TMEM63C: variants seen among roughly 807,000 people sequenced by gnomAD.
TMEM63C encodes the protein transmembrane protein 63C.
Under a neutral mutation model 99.2 loss-of-function variants are expected in TMEM63C, and 32 were observed. That is an observed-to-expected ratio of 0.32 (90% CI 0.24 to 0.43). The LOEUF is 0.43. Among genes scored for constraint, TMEM63C ranks in the 20% least tolerant of loss-of-function variants. The pLI is 1.00. For synonymous variants in TMEM63C, 376 were observed against 397.9 expected (o/e 0.94, Z 0.66); for missense variants, 826 against 1,053.0 (o/e 0.78, Z 2.98).
Position 77,218,878 on chromosome 14 carries a change from G to T in TMEM63C, c.65G>T (p.Cys22Phe), listed in dbSNP as rs1457401180. Residue 22 changes from cysteine (C) to phenylalanine (F), a missense_variant, in exon 3 of 24, where the codon TGC (cysteine) becomes TTC (phenylalanine). Cys to Phe is a radical substitution (Grantham distance 205, BLOSUM62 -2). Coordinates refer to ENST00000298351, the MANE Select transcript of TMEM63C (RefSeq NM_020431.4). ...GRLQNMTVDE[C>F]FQSRNTVLQG... ...TTACAGAACATGACAGTGGATGAAT[G>T]CTTCCAGTCTCGGAACACCGTCCTC... 6.2e-7 allele frequency: 1 copy of T among 1,613,542 alleles called. No individual in the cohort carries two copies. The highest frequency in any genetic ancestry group is 8.5e-7 in the Non-Finnish European group (1 of 1,179,766).
At chr14:77,236,996 C>T (rs1889074260) in intron 9 of TMEM63C, among the ~76,000 whole-genome samples, 1 of 148,628 alleles carries the variant, frequency 6.7e-6, no homozygotes, top group African/African-American at 2.5e-5. Flanking sequence ...CCCTCTCACC[C>T]TCCTCCACGC....
chr14:77,251,418 G>A (rs369409470), intron 21 of TMEM63C, among the ~76,000 whole-genome samples: 24 of 152,280 alleles, frequency 1.6e-4, no homozygotes, highest in African/African-American at 5.8e-4. Flanking sequence ...CACTTCAAAA[G>A]GGCTTGCAGG....
intron 22 of TMEM63C, 76 bp from the exon 23 acceptor site, chr14:77,253,229 A>C: frequency 7.5e-7 from 1 of 1,341,950 alleles, no homozygotes; most frequent in Non-Finnish European, 1.1e-6. Context: ...CCAGGTGTGG[A>C]GTTGAGGCTC....
intron 13 of TMEM63C, 54 bp from the exon 14 acceptor site, chr14:77,242,293 G>GC: frequency 1.3e-6 from 2 of 1,593,078 alleles, no homozygotes; most frequent in Non-Finnish European, 1.7e-6. Flanking sequence ...ACCCTCCTAA[G>GC]CCCATCCCCC....
chr14:77,242,563 A>G, intron 14 of TMEM63C, 94 bp downstream of exon 14: 1 of 1,497,310 alleles, frequency 6.7e-7, no homozygotes, highest in Non-Finnish European at 9.1e-7. Context: ...TCATTGCCCA[A>G]CAGAGACTCC....
chr14:77,182,125 G>A (rs901687416), intron 1 of TMEM63C, among the ~76,000 whole-genome samples: 1 of 152,170 alleles, frequency 6.6e-6, no homozygotes, highest in African/African-American at 2.4e-5. Context: ...CCGCCCACCC[G>A]GGAGGGCGTG....
chr14:77,234,739 T>C (rs1446465496), intron 8 of TMEM63C, among the ~76,000 whole-genome samples: 1 of 152,172 alleles, frequency 6.6e-6, no homozygotes, highest in African/African-American at 2.4e-5. Context: ...TGCTTTGGGA[T>C]GGCATCATGT....
intron 19 of TMEM63C, 102 bp downstream of exon 19, chr14:77,248,611 C>T (rs920282633): frequency 1.5e-5 from 23 of 1,509,318 alleles, no homozygotes; most frequent in Admixed American, 5.7e-5. Context: ...GTGGGAGGGA[C>T]GGTGTGGATG....
intron 13 of TMEM63C, 49 bp from the exon 14 acceptor site, chr14:77,242,298 T>TCCCCCCAC: frequency 1.1e-5 from 16 of 1,416,850 alleles, no homozygotes; most frequent in African/African-American, 1.4e-5. Flanking sequence ...CCTAAGCCCA[T>TCCCCCCAC]CCCCCCACCC....
chr14:77,232,281 A>AT (rs912998189), intron 7 of TMEM63C, among the ~76,000 whole-genome samples: 45 of 151,858 alleles, frequency 3.0e-4, no homozygotes, highest in African/African-American at 1.0e-3. Flanking sequence ...TTTATATTTT[A>AT]TTTATTTATT....
At position 77,257,128 on chromosome 14, in the gene TMEM63C, A is replaced by AAC; in HGVS notation, c.*403_*404insCA. ...ACCACTCTGCATCAGCTGCCCTTCC[A>AAC]AGGAGCTTCTGCTGCTGCTCCTCCT... On this transcript the variant is annotated 3_prime_UTR_variant, in exon 24 of 24. Coordinates refer to ENST00000298351, the MANE Select transcript of TMEM63C (RefSeq NM_020431.4). 5.7e-6 allele frequency: 1 copy of AAC among 174,718 alleles called. No individual in the cohort carries two copies. The highest frequency in any genetic ancestry group is 1.2e-5 in the Non-Finnish European group (1 of 82,484). The allele number at this position is 174,718 out of a possible 1,614,324, so 10.8% of individuals were successfully genotyped here.
intron 1 of TMEM63C, among the ~76,000 whole-genome samples, chr14:77,205,600 G>A (rs1174081388): frequency 6.6e-6 from 1 of 152,336 alleles, no homozygotes; most frequent in Non-Finnish European, 1.5e-5. Flanking sequence ...GAGCATTCCC[G>A]TTGGGGGAGG....
At chr14:77,183,165 G>A (rs1887942239) in intron 1 of TMEM63C, among the ~76,000 whole-genome samples, 2 of 152,150 alleles carry the variant, frequency 1.3e-5, no homozygotes, top group African/African-American at 4.8e-5. Context: ...AGCCAGATGA[G>A]GAAACTGAGG....
chr14:77,226,089 C>T (rs1888817552), intron 6 of TMEM63C, among the ~76,000 whole-genome samples: 1 of 152,220 alleles, frequency 6.6e-6, no homozygotes. Flanking sequence ...GTTCCCACTG[C>T]GTAGGCATAC....
Position 77,194,546 on chromosome 14 carries a change from TTTCTTTC to T in TMEM63C, c.-77+12654_-77+12660del, listed in dbSNP as rs1214615812. ...CTTTCTTTCTTTCTTTCTTTCTTTC[TTTCTTTC>T]TCTTTCTTTCTTTCTGTCTTTCTTT... On this transcript the variant is annotated intron_variant, in intron 1 of 23. Transcript: ENST00000298351. Among the ~76,000 whole-genome samples the T allele has an allele frequency of 6.7e-3, 105 of 15,594 alleles. 2 individuals carry two copies. Among genetic ancestry groups the T allele is most frequent in the Admixed American group, 0.019 (19 of 980 alleles). The allele number at this position is 15,594 out of a possible 152,430, so 10.2% of individuals were successfully genotyped here. A position where few individuals can be genotyped will look rare whatever the true frequency, so the allele number is the denominator to read the frequency against.
At chr14:77,253,780 A>G (rs1214099334) in intron 23 of TMEM63C, among the ~76,000 whole-genome samples, 1 of 152,142 alleles carries the variant, frequency 6.6e-6, no homozygotes, top group African/African-American at 2.4e-5. Flanking sequence ...GAACTATTAG[A>G]AGTCTGCACT....
At chr14:77,246,552 C>A in intron 17 of TMEM63C, 57 bp from the exon 18 acceptor site, 1 of 1,498,622 alleles carries the variant, frequency 6.7e-7, no homozygotes, top group East Asian at 2.3e-5. Context: ...TGGTTGAACC[C>A]TCAGCCTTAG....
In TMEM63C at chr14:77,239,688, C is replaced by T. The variant is rs771625646; in HGVS notation, c.892C>T (p.Arg298Cys). 14 of 1,613,074 alleles carry T rather than the reference C, an allele frequency of 8.7e-6. No homozygotes were observed. The highest frequency in any genetic ancestry group is 3.3e-5 in the Admixed American group (2 of 59,930). ...GATGATCAGGATCCACCCCTGTGCC[C>T]GCCTGTGCTTCTGCAAGTGCTGGAC... ...KVMIRIHPCA[R>C]LCFCKCWTCF... The change falls in exon 12 of 24, where the codon CGC becomes TGC. Residue 298 changes from arginine to cysteine, a missense_variant. Coordinates refer to ENST00000298351, the MANE Select transcript of TMEM63C (RefSeq NM_020431.4).
In TMEM63C at chr14:77,246,683, TC is replaced by T; in HGVS notation, c.1601+12del. 6.2e-7 allele frequency: 1 copy of T among 1,610,906 alleles called. No individual in the cohort carries two copies. Among genetic ancestry groups the T allele is most frequent in the Non-Finnish European group, 8.5e-7 (1 of 1,177,658 alleles). On this transcript the variant is annotated intron_variant, in intron 18 of 23. Transcript: ENST00000298351. ...GCATCCATCAGGTTCCAGTGAGTAC[TC>T]CCATGTGTCCACCAGGGCTGCTGTG...
Sources: allele counts gnomAD v4.1 joint callset (sites outside exome capture counted in the v4.1 genomes callset), GRCh38; gene constraint gnomAD v4.1.1; transcripts MANE v1.5; gene names NCBI Gene and HGNC (gene_info 2026-07-23, HGNC 2026-07-21).